ULK4: variants seen among roughly 807,000 people sequenced by gnomAD.
The protein encoded by ULK4 is unc-51 like kinase 4, also known as inactive serine/threonine-protein kinase ULK4.
Under a neutral mutation model 160.6 loss-of-function variants are expected in ULK4, and 133 were observed. The observed-to-expected ratio is 0.83, with a 90% confidence interval of 0.72 to 0.96. The LOEUF (loss-of-function observed/expected upper bound fraction) is 0.96, where lower values mean the gene tolerates loss of function less well. ULK4 is among the 40% of genes least tolerant of loss of function. The pLI is 0.00. For missense variants in ULK4, 1,580 were observed against 1,499.5 expected (o/e 1.05, Z -0.89); for synonymous variants, 534 against 539.8 (o/e 0.99, Z 0.15).
chr3:41,957,329 T>A (rs1700515685), intron 1 of ULK4, among the ~76,000 whole-genome samples: 1 of 150,780 alleles, frequency 6.6e-6, no homozygotes, highest in Admixed American at 6.7e-5. Context: ...TGGCACACGC[T>A]TGTAATCCCA....
intron 17 of ULK4, among the ~76,000 whole-genome samples, chr3:41,874,248 G>A (rs1408195853): frequency 2.0e-5 from 3 of 152,056 alleles, no homozygotes; most frequent in South Asian, 2.1e-4. Flanking sequence ...ATCTTAATAC[G>A]GAGCAAGAGC....
At chr3:41,724,710 G>A (rs1575610789) in intron 22 of ULK4, among the ~76,000 whole-genome samples, 1 of 152,004 alleles carries the variant, frequency 6.6e-6, no homozygotes, top group South Asian at 2.1e-4. Context: ...GCGACAGAGT[G>A]AGACTCTGTC....
intron 27 of ULK4, among the ~76,000 whole-genome samples, chr3:41,702,966 G>A (rs2036733232): frequency 6.7e-6 from 1 of 150,066 alleles, no homozygotes; most frequent in South Asian, 2.1e-4. Context: ...CGACTCTCCT[G>A]CCCCAGCCTC....
intron 35 of ULK4, among the ~76,000 whole-genome samples, chr3:41,305,481 C>A (rs1325230113): frequency 2.0e-5 from 3 of 152,354 alleles, no homozygotes; most frequent in Admixed American, 1.3e-4. Flanking sequence ...CTCGGCCTCC[C>A]GAGGTGCCGG....
chr3:41,927,151 T>C (rs1699414406), intron 5 of ULK4, among the ~76,000 whole-genome samples: 1 of 152,136 alleles, frequency 6.6e-6, no homozygotes, highest in Non-Finnish European at 1.5e-5. Flanking sequence ...AGTGGATCTC[T>C]GCAAAAACTC....
intron 35 of ULK4, among the ~76,000 whole-genome samples, chr3:41,355,526 T>C (rs1285569656): frequency 6.6e-6 from 1 of 152,230 alleles, no homozygotes; most frequent in Non-Finnish European, 1.5e-5. Context: ...AACTTTCTTA[T>C]TGTAAGAGAG....
At chr3:41,589,881 T>C (rs984274234) in intron 31 of ULK4, among the ~76,000 whole-genome samples, 2 of 151,616 alleles carry the variant, frequency 1.3e-5, no homozygotes, top group Admixed American at 1.3e-4. Context: ...AAATGACAAA[T>C]AGTCCAAGTT....
intron 30 of ULK4, 32 bp from the exon 31 acceptor site, chr3:41,615,749 C>T (rs1196359973): frequency 3.8e-6 from 6 of 1,597,478 alleles, no homozygotes; most frequent in Admixed American, 3.4e-5. Context: ...GATAAGTGCA[C>T]ATTAGACAAT....
intron 34 of ULK4, among the ~76,000 whole-genome samples, chr3:41,405,829 G>GT (rs2082283391): frequency 1.3e-5 from 2 of 150,784 alleles, no homozygotes; most frequent in Admixed American, 6.6e-5. Flanking sequence ...TTTTTTGTTT[G>GT]TTTTTTGTTT....
chr3:41,606,879 G>A (rs1048876562), intron 31 of ULK4, among the ~76,000 whole-genome samples: 1 of 152,054 alleles, frequency 6.6e-6, no homozygotes, highest in Admixed American at 6.6e-5. Flanking sequence ...TGGATGAATA[G>A]TTTGCAAATA....
rs112689096 is a variant in ULK4 at position 41,633,984 on chromosome 3, T to C, written c.3072-18267A>G. 2.9e-3 allele frequency among the ~76,000 whole-genome samples: 444 copies of C among 152,208 alleles called. 2 individuals are homozygous for C. The highest frequency in any genetic ancestry group is 4.8e-3 in the Non-Finnish European group (324 of 68,018). On this transcript the variant is annotated intron_variant, in intron 30 of 36. Transcript: ENST00000301831. ...AGTAATCATTAACCTCATTCTACAA[T>C]AGAGAAAACCAGCACTGAACCTTAC...
In ULK4 at chr3:41,847,164, T is replaced by C. The variant is rs984002015; in HGVS notation, c.1657-11193A>G. 2.6e-5 allele frequency among the ~76,000 whole-genome samples: 4 copies of C among 152,308 alleles called. No individual in the cohort carries two copies. The South Asian group carries it at 6.2e-4, about 24-fold the overall frequency. ...TTTGGCTTTGTCTGAAGTCATCTGA[T>C]AGATATGAAAAGGTGAAATGTGCTT... On this transcript the variant is annotated intron_variant, in intron 17 of 36. Coordinates refer to ENST00000301831, the MANE Select transcript of ULK4 (RefSeq NM_017886.4).
chr3:41,359,958 G>A (rs1029099799), intron 35 of ULK4, among the ~76,000 whole-genome samples: 1 of 152,096 alleles, frequency 6.6e-6, no homozygotes, highest in Non-Finnish European at 1.5e-5. Flanking sequence ...CTTCTGCAGA[G>A]CAAAAGAAAC....
At chr3:41,699,761 T>G (rs1212188312) in intron 27 of ULK4, among the ~76,000 whole-genome samples, 3 of 152,210 alleles carry the variant, frequency 2.0e-5, no homozygotes, top group Non-Finnish European at 4.4e-5. Flanking sequence ...TTCATCTTCA[T>G]GTATTCCAGT....
At chr3:41,412,553 A>ATTTTTTTCTTTTTTTTTTTTT (rs2082429333) in intron 34 of ULK4, among the ~76,000 whole-genome samples, 6 of 100,434 alleles carry the variant, frequency 6.0e-5, no homozygotes, top group African/African-American at 2.5e-4. Flanking sequence ...ATGCAGTTGA[A>ATTTTTTTCTTTTTTTTTTTTT]TTTTTTTTTT....
At chr3:41,690,894 C>T (rs1368298878) in intron 27 of ULK4, among the ~76,000 whole-genome samples, 1 of 151,820 alleles carries the variant, frequency 6.6e-6, no homozygotes, top group Admixed American at 6.6e-5. Context: ...AGCAGGTAGT[C>T]AGGCAGACAT....
chr3:41,935,660 C>G, intron 4 of ULK4, 141 bp downstream of exon 4: 1 of 1,050,004 alleles, frequency 9.5e-7, no homozygotes, highest in Non-Finnish European at 1.3e-6. Context: ...CGTGCCCTGC[C>G]TCCTTTTATT....
intron 22 of ULK4, among the ~76,000 whole-genome samples, chr3:41,726,621 T>C (rs955247046): frequency 5.9e-5 from 9 of 152,100 alleles, no homozygotes; most frequent in Non-Finnish European, 1.0e-4. Context: ...TTGTGTCCCT[T>C]ACTAATTTTT....
chr3:41,917,530 G>A (rs1324464670), intron 7 of ULK4, among the ~76,000 whole-genome samples: 1 of 152,000 alleles, frequency 6.6e-6, no homozygotes, highest in Non-Finnish European at 1.5e-5. Context: ...TGTGTCTTAA[G>A]ATAAACTTTA....
Sources: gnomAD v4.1 joint callset for allele counts (sites outside exome capture counted in the v4.1 genomes callset) on GRCh38, gnomAD v4.1.1 for gene constraint, MANE v1.5 for transcripts, NCBI Gene and HGNC (gene_info 2026-07-23, HGNC 2026-07-21) for gene names.